ZNF678: variants seen among roughly 807,000 people sequenced by gnomAD.
ZNF678 encodes hypothetical protein MGC42493.
Under a neutral mutation model 3.0 loss-of-function variants are expected in ZNF678, and 5 were observed. The observed-to-expected ratio is 1.69, with a 90% CI of 0.88 to 3.56. The LOEUF (loss-of-function observed/expected upper bound fraction) is 3.56. Among genes scored for constraint, ZNF678 ranks in the 30% most tolerant of loss-of-function variants. The pLI, the probability that ZNF678 is intolerant of heterozygous loss-of-function variation, is 0.00. For synonymous variants in ZNF678, 218 were observed against 199.6 expected, an observed-to-expected ratio of 1.09 and a Z score of -0.78; for missense variants, 593 against 605.0, an observed-to-expected ratio of 0.98 and a Z score of 0.21.
intron 1 of ZNF678, among the ~76,000 whole-genome samples, chr1:227,572,667 C>G (rs1656879784): frequency 6.6e-6 from 1 of 152,082 alleles, no homozygotes; most frequent in Non-Finnish European, 1.5e-5. Flanking sequence ...CAGCTAAGGC[C>G]TAAAGTTGTA....
downstream of ZNF678, among the ~76,000 whole-genome samples, chr1:227,663,349 TGAA>T (rs1248671282): frequency 6.6e-6 from 1 of 152,208 alleles, no homozygotes; most frequent in African/African-American, 2.4e-5. Flanking sequence ...ATTGAAAGGC[TGAA>T]CCACTGTGGG....
In ZNF678 at chr1:227,638,846, C is replaced by G. The variant is rs1282885309; in HGVS notation, c.-163-7698C>G. On this transcript the variant is annotated intron_variant, in intron 1 of 3. Transcript: ENST00000343776. This position sits in a 1 kb window ranked among gnomAD's most constrained non-coding sequence, Gnocchi z 4.2. ...GGGTTTGGAGAGTTGTCCATCAATTCCCACAACAGAGACTTGGGAGGACTG... is the reference window on the plus strand; with the variant it reads ...GGGTTTGGAGAGTTGTCCATCAATTGCCACAACAGAGACTTGGGAGGACTG... Among the ~76,000 whole-genome samples, 1 of 151,384 alleles carries G rather than the reference C, an allele frequency of 6.6e-6. No individual in the cohort carries two copies. Among genetic ancestry groups the G allele is most frequent in the Non-Finnish European group, 1.5e-5 (1 of 67,826 alleles).
At chr1:227,580,117 T>C (rs953498853) in intron 1 of ZNF678, among the ~76,000 whole-genome samples, 13 of 152,170 alleles carry the variant, frequency 8.5e-5, no homozygotes, top group Non-Finnish European at 1.3e-4. Flanking sequence ...CCTGGAGCTA[T>C]TGTGGTCCAA....
At chr1:227,663,499 T>G (rs1289322619), downstream of ZNF678, among the ~76,000 whole-genome samples, 2 of 152,188 alleles carry the variant, frequency 1.3e-5, no homozygotes, top group Non-Finnish European at 2.9e-5. Context: ...TACCTTAACC[T>G]TTTTGGGTTA....
chr1:227,662,304 C>A lies in ZNF678; in HGVS notation c.*6476C>A, dbSNP rs906059076. The A allele has an allele frequency of 6.6e-6, 1 of 152,124 alleles. No individual in the cohort carries two copies. The highest frequency in any genetic ancestry group is 2.1e-4 in the South Asian group (1 of 4,828). The allele number at this position is 152,124 out of a possible 1,614,324, so 9.4% of individuals were successfully genotyped here. On this transcript the variant is annotated 3_prime_UTR_variant, in exon 4 of 4. Transcript: ENST00000343776. ...AAAGCATGTGGTTCAGAATTGAGAA[C>A]GTGCAGAGTGAGAGTGGTATGAATT...
At chr1:227,575,125 A>G (rs910285670) in intron 1 of ZNF678, among the ~76,000 whole-genome samples, 40 of 152,150 alleles carry the variant, frequency 2.6e-4, no homozygotes, top group African/African-American at 9.7e-4. Context: ...TTCCAATACC[A>G]TGCTGTTTTG....
At chr1:227,593,867 CTT>C (rs1357304195) in intron 1 of ZNF678, among the ~76,000 whole-genome samples, 51 of 33,586 alleles carry the variant, frequency 1.5e-3, no homozygotes, top group East Asian at 6.3e-3. Flanking sequence ...CCCCCCCCCC[CTT>C]TTTTTTTTTT....
downstream of ZNF678, among the ~76,000 whole-genome samples, chr1:227,662,940 G>T (rs1008968824): frequency 2.6e-5 from 4 of 152,188 alleles, no homozygotes; most frequent in Admixed American, 1.3e-4. Context: ...AATAGTCAGT[G>T]CCTCAGAATG....
At position 227,563,564 on chromosome 1, in the gene ZNF678, T is replaced by C; in HGVS notation, c.-324T>C. 2.7e-6 allele frequency: 2 copies of C among 727,732 alleles called. No homozygotes were observed. The highest frequency in any genetic ancestry group is 4.3e-6 in the Non-Finnish European group (2 of 464,198). 45.1% of individuals were successfully genotyped at this position (727,732 alleles called of 1,614,324 possible). A position where few individuals can be genotyped will look rare whatever the true frequency, so the allele number is the denominator to read the frequency against. ...CCGGGATCTGGCGGGGCCTTTGTCT[T>C]GTGCTCCAGCTGGAGCTTTGGTCCC... On this transcript the variant is annotated 5_prime_UTR_variant, in exon 1 of 4. Transcript: ENST00000343776.
At position 227,573,093 on chromosome 1, in the gene ZNF678, C is replaced by T. The variant is rs573341222; in HGVS notation, c.-164+9369C>T. On this transcript the variant is annotated intron_variant, in intron 1 of 3. Coordinates refer to ENST00000343776, the MANE Select transcript of ZNF678 (RefSeq NM_001367909.1). ...GCATGGGGTTTCTTGTGATTCTGAA[C>T]TACCCAGGTGCGGTGACAAGAAGGC... 2.0e-5 allele frequency among the ~76,000 whole-genome samples: 3 copies of T among 152,318 alleles called. No individual in the cohort carries two copies. The South Asian group carries it at 6.2e-4, about 32-fold the overall frequency.
chr1:227,601,689 C>T (rs1317351756), intron 1 of ZNF678, among the ~76,000 whole-genome samples: 3 of 152,062 alleles, frequency 2.0e-5, no homozygotes, highest in Admixed American at 1.3e-4. Context: ...CTCAGCCTCC[C>T]GAGTAGCTGG....
At chr1:227,565,887 G>C (rs1417852194) in intron 1 of ZNF678, among the ~76,000 whole-genome samples, 1 of 152,200 alleles carries the variant, frequency 6.6e-6, no homozygotes, top group Non-Finnish European at 1.5e-5. Context: ...CTCCCGAGTA[G>C]CTGGGACTGC....
chr1:227,665,037 TCCTAA>T (rs543380236), downstream of ZNF678, among the ~76,000 whole-genome samples: 1 of 152,304 alleles, frequency 6.6e-6, no homozygotes, highest in South Asian at 2.1e-4. Flanking sequence ...CTACCCAGCC[TCCTAA>T]CCTACCCAAT....
intron 1 of ZNF678, among the ~76,000 whole-genome samples, chr1:227,636,838 G>A (rs1273177459): frequency 6.6e-6 from 1 of 152,182 alleles, no homozygotes; most frequent in Admixed American, 6.5e-5. Flanking sequence ...CATTTTGGTT[G>A]TAGCTTTTGG....
intron 1 of ZNF678, among the ~76,000 whole-genome samples, chr1:227,629,191 A>AT (rs1658492644): frequency 6.6e-6 from 1 of 152,100 alleles, no homozygotes; most frequent in African/African-American, 2.4e-5. Flanking sequence ...CTCGGGTCTA[A>AT]GGGGGTACTG....
At chr1:227,574,046 A>G (rs1472662344) in intron 1 of ZNF678, among the ~76,000 whole-genome samples, 2 of 152,248 alleles carry the variant, frequency 1.3e-5, no homozygotes, top group East Asian at 3.9e-4. Context: ...GTGTATATGT[A>G]CCACACTTTC....
intron 1 of ZNF678, among the ~76,000 whole-genome samples, chr1:227,588,299 G>T (rs1407385794): frequency 6.6e-6 from 1 of 152,208 alleles, no homozygotes; most frequent in Non-Finnish European, 1.5e-5. Flanking sequence ...ACATACATGT[G>T]CATGTATCTT....
At chr1:227,587,822 T>C (rs1238130993) in intron 1 of ZNF678, among the ~76,000 whole-genome samples, 2 of 151,830 alleles carry the variant, frequency 1.3e-5, no homozygotes, top group East Asian at 1.9e-4. Context: ...TTTCCTTTTT[T>C]TTTTTTTTTT....
chr1:227,570,946 C>G (rs993836051), intron 1 of ZNF678, among the ~76,000 whole-genome samples: 4 of 152,026 alleles, frequency 2.6e-5, no homozygotes, highest in African/African-American at 7.3e-5. Context: ...TTTTCATCCA[C>G]TTTTTTCAAC....
Sources: allele counts gnomAD v4.1 joint callset (sites outside exome capture counted in the v4.1 genomes callset), GRCh38; gene constraint gnomAD v4.1.1; non-coding constraint Gnocchi (gnomAD v3.1); transcripts MANE v1.5; gene names NCBI Gene and HGNC (gene_info 2026-07-23, HGNC 2026-07-21).